Variants in MASTL observed in about 807,000 individuals in gnomAD.
MASTL encodes microtubule associated serine/threonine kinase like, also known as serine/threonine-protein kinase greatwall.
MASTL carries 54 observed loss-of-function variants against 82.5 expected under a neutral mutation model. That is an observed-to-expected ratio of 0.65 (90% confidence interval 0.53 to 0.82). The LOEUF is 0.82. MASTL is among the 40% of genes least tolerant of loss of function. MASTL has a pLI of 0.00. For missense variants in MASTL, 950 were observed against 1,047.8 expected, an observed-to-expected ratio of 0.91 and a Z score of 1.29; for synonymous variants, 323 against 368.9, an observed-to-expected ratio of 0.88 and a Z score of 1.43.
chr10:27,161,195 T>G lies in MASTL; in HGVS notation c.553+13T>G, dbSNP rs2057560177. On this transcript the variant is annotated intron_variant, in intron 4 of 11. Transcript: ENST00000375940. The stretch of plus-strand genomic sequence containing the variant: ...ACTTTGAATAGAGGTAAGAAAAATA[T>G]CAAGTAAGTACTTTTTTAAAACATC... 1 of 1,449,976 alleles carries G rather than the reference T, an allele frequency of 6.9e-7. No homozygotes were observed. Among genetic ancestry groups the G allele is most frequent in the Admixed American group, 1.7e-5 (1 of 59,742 alleles). The allele number at this position is 1,449,976 out of a possible 1,614,324, so 89.8% of individuals were successfully genotyped here. A position where few individuals can be genotyped will look rare whatever the true frequency, so the allele number is the denominator to read the frequency against.
At chr10:27,167,021 T>C in intron 6 of MASTL, 81 bp from the exon 7 acceptor site, 1 of 1,108,806 alleles carries the variant, frequency 9.0e-7, no homozygotes, top group Non-Finnish European at 1.4e-6. Flanking sequence ...GATACTTTGC[T>C]TAATTATATG....
At position 27,158,533 on chromosome 10, in the gene MASTL, A is replaced by G; in HGVS notation, c.187-16A>G. 6 of 1,563,468 alleles carry G rather than the reference A, an allele frequency of 3.8e-6. No homozygotes were observed. The highest frequency in any genetic ancestry group is 5.3e-6 in the Non-Finnish European group (6 of 1,134,134). On this transcript the variant is annotated splice_polypyrimidine_tract_variant and intron_variant, in intron 1 of 11. Transcript: ENST00000375940. ...AATAAAATAACATGATATCACTTTT[A>G]TTTTATCTATTACAGGTTGTTAAAA...
At chr10:27,168,821 T>C (rs1036405807) in intron 7 of MASTL, among the ~76,000 whole-genome samples, 3 of 152,046 alleles carry the variant, frequency 2.0e-5, no homozygotes, top group Admixed American at 6.6e-5. Context: ...AAAAAAAATA[T>C]CCTTTTTGCT....
At chr10:27,180,292 A>G (rs2058230171) in intron 9 of MASTL, among the ~76,000 whole-genome samples, 1 of 152,270 alleles carries the variant, frequency 6.6e-6, no homozygotes, top group South Asian at 2.1e-4. Context: ...AGGGCTTGCT[A>G]GAGATGTTAC....
intron 5 of MASTL, 80 bp downstream of exon 5, chr10:27,165,250 A>G: frequency 7.1e-7 from 1 of 1,402,380 alleles, no homozygotes; most frequent in East Asian, 2.3e-5. Flanking sequence ...TTTAAAAAAA[A>G]AGATCAAAAT....
rs760670897 is a variant in MASTL, at chr10:27,181,536, G to T, written c.2437G>T (p.Glu813Ter). 5.6e-6 allele frequency: 9 copies of T among 1,613,168 alleles called. No individual in the cohort carries two copies. Among genetic ancestry groups the T allele is most frequent in the Non-Finnish European group, 6.8e-6 (8 of 1,179,356 alleles). Residue 813 changes from glutamate to a stop codon, truncating the protein, a stop_gained, in exon 11 of 12, where the codon GAA becomes TAA. Transcript: ENST00000375940. LOFTEE classifies it high-confidence loss of function. ...ATCTGATAATGCTCAAAGTGCAGTA[G>T]AAATACTTTTAACCATTGATGATAC... ...KLSDNAQSAV[E>*]ILLTIDDTKR...
intron 9 of MASTL, among the ~76,000 whole-genome samples, chr10:27,173,569 T>A (rs1414422973): frequency 6.6e-6 from 1 of 151,986 alleles, no homozygotes; most frequent in African/African-American, 2.4e-5. Flanking sequence ...CTTTTTTTAT[T>A]TTTTTATTTA....
Position 27,170,900 on chromosome 10 carries a change from C to G in MASTL, c.1941C>G (p.Ala647=). 6.2e-7 allele frequency: 1 copy of G among 1,614,130 alleles called. No homozygotes were observed. The highest frequency in any genetic ancestry group is 8.5e-7 in the Non-Finnish European group (1 of 1,180,016). ...GPPLEVLKTL[A]SKRNAVAFRS... ...CTTTGGAGGTGCTGAAAACGTTAGCCTCTAAAAGAAATGCTGTTGCTTTTC... is the reference window on the plus strand; with the variant it reads ...CTTTGGAGGTGCTGAAAACGTTAGCGTCTAAAAGAAATGCTGTTGCTTTTC... The change falls in exon 8 of 12, where the codon GCC becomes GCG. Residue 647 remains alanine, a synonymous_variant. Coordinates refer to ENST00000375940, the MANE Select transcript of MASTL (RefSeq NM_001172303.3).
rs763897918 is a variant in MASTL at position 27,165,422 on chromosome 10, G to A, written c.694G>A (p.Ala232Thr). 1 of 1,614,042 alleles carries A rather than the reference G, an allele frequency of 6.2e-7. No individual in the cohort carries two copies. Among genetic ancestry groups the A allele is most frequent in the South Asian group, 1.1e-5 (1 of 91,080 alleles). ...TPIAEKNQDP[A>T]NILSACLSET... The stretch of plus-strand genomic sequence containing the variant: ...AATTGCAGAAAAAAATCAAGACCCT[G>A]CAAACATCCTTTCAGCCTGTCTGTC... The change falls in exon 6 of 12, where the codon GCA (alanine) becomes ACA (threonine). Residue 232 changes from alanine to threonine, a missense_variant. By Grantham distance (58) the Ala-to-Thr change is moderately conservative. Transcript: ENST00000375940.
intron 7 of MASTL, among the ~76,000 whole-genome samples, chr10:27,168,942 C>T (rs2057827618): frequency 6.6e-6 from 1 of 152,134 alleles, no homozygotes; most frequent in Non-Finnish European, 1.5e-5. Context: ...ACTCACTCTA[C>T]TTGACTAATC....
chr10:27,171,079 A>G lies in MASTL; in HGVS notation c.2120A>G (p.His707Arg), dbSNP rs34635408. The change falls in exon 8 of 12, where the codon CAT becomes CGT. Residue 707 changes from histidine (H) to arginine (R), a missense_variant. By Grantham distance (29) the His-to-Arg change is conservative. Coordinates refer to ENST00000375940, the MANE Select transcript of MASTL (RefSeq NM_001172303.3). ...PTQKRRSCMP[H>R]QQTPNQIKSG... is the part of the protein sequence containing the mutation. ...CAAAAAAGAAGATCCTGTATGCCAC[A>G]TCAGGTATATTTATAACTTTCTAAT... The G allele has an allele frequency of 6.2e-7, 1 of 1,612,678 alleles. No homozygotes were observed. The highest frequency in any genetic ancestry group is 1.1e-5 in the South Asian group (1 of 91,044).
At chr10:27,166,965 A>G in intron 6 of MASTL, 137 bp from the exon 7 acceptor site, 1 of 673,318 alleles carries the variant, frequency 1.5e-6, no homozygotes, top group Non-Finnish European at 2.6e-6. Context: ...TTACAAAGAA[A>G]TAGTTCTGAT....
chr10:27,170,563 A>G lies in MASTL; in HGVS notation c.1604A>G (p.Glu535Gly). 6.2e-7 allele frequency: 1 copy of G among 1,613,692 alleles called. No individual in the cohort carries two copies. The highest frequency in any genetic ancestry group is 8.5e-7 in the Non-Finnish European group (1 of 1,179,854). The change falls in exon 8 of 12, where the codon GAA becomes GGA. Residue 535 changes from glutamate to glycine, a missense_variant. Glu to Gly is a moderately conservative substitution (Grantham distance 98). Coordinates refer to ENST00000375940, the MANE Select transcript of MASTL (RefSeq NM_001172303.3). The stretch of plus-strand genomic sequence containing the variant: ...ATGATAGCAAAAAACCTTATGTGTG[A>G]ACTCGATGAAGACTGTGAAAAGAAT... ...IPMIAKNLMC[E>G]LDEDCEKNSK...
chr10:27,180,201 A>T (rs1334011589), intron 9 of MASTL, among the ~76,000 whole-genome samples: 3 of 152,222 alleles, frequency 2.0e-5, no homozygotes, highest in South Asian at 2.1e-4. Context: ...AGAAAGGCAA[A>T]TTTATTAGAC....
chr10:27,183,766 G>A (rs975975567), intron 11 of MASTL, among the ~76,000 whole-genome samples: 1 of 151,722 alleles, frequency 6.6e-6, no homozygotes. Flanking sequence ...CGCCCAGGCT[G>A]GAATGTAGTA....
rs10741130 is a variant in MASTL, at chr10:27,186,515, T to C, written c.2619T>C (p.Thr873=). The C allele has an allele frequency of 0.63, 1,015,612 of 1,612,818 alleles. 323,280 individuals are homozygous for C. The highest frequency in any genetic ancestry group is 0.66 in the Non-Finnish European group (773,121 of 1,179,092). Residue 873 remains threonine, a synonymous_variant, in exon 12 of 12, where the codon ACT becomes ACC. Transcript: ENST00000375940. The part of the protein sequence containing the change: ...FEARNTAQHL[T]VSGFSL ...CCAGGAATACTGCTCAGCACCTGAC[T>C]GTATCTGGATTTAGTCTGTAGCACA...
At chr10:27,171,947 G>A (rs2057960486) in intron 8 of MASTL, among the ~76,000 whole-genome samples, 3 of 143,276 alleles carry the variant, frequency 2.1e-5, no homozygotes, top group African/African-American at 7.9e-5. Context: ...TCCTGCTTCA[G>A]CCTCCTGAGT....
chr10:27,160,702 G>T (rs1468110278), intron 3 of MASTL, among the ~76,000 whole-genome samples: 1 of 151,028 alleles, frequency 6.6e-6, no homozygotes, highest in Non-Finnish European at 1.5e-5. Context: ...AGTGAGCCGA[G>T]ATTGTGCCAT....
At chr10:27,186,023 C>T (rs915830613) in intron 11 of MASTL, among the ~76,000 whole-genome samples, 11 of 151,902 alleles carry the variant, frequency 7.2e-5, no homozygotes, top group Admixed American at 7.2e-4. Flanking sequence ...CGGGAGGCGG[C>T]GGTTGCAGTG....
Sources: allele counts gnomAD v4.1 joint callset (sites outside exome capture counted in the v4.1 genomes callset), GRCh38; gene constraint gnomAD v4.1.1; transcripts MANE v1.5; gene names NCBI Gene and HGNC (gene_info 2026-07-23, HGNC 2026-07-21).